Variants in PATJ observed in about 807,000 individuals in gnomAD.
The protein encoded by PATJ is PATJ crumbs cell polarity complex component.
A neutral mutation model predicts 224.9 loss-of-function variants in PATJ; 190 were observed. The observed-to-expected ratio is 0.84, with a 90% CI of 0.75 to 0.95. The LOEUF (loss-of-function observed/expected upper bound fraction) is 0.95, where lower values mean the gene tolerates loss of function less well. Ranked by LOEUF, PATJ falls within the 40% of genes least tolerant of loss-of-function variation. PATJ has a pLI of 0.00. For synonymous variants in PATJ, 769 were observed against 820.3 expected (o/e 0.94, Z 1.07); for missense variants, 2,121 against 2,270.3 (o/e 0.93, Z 1.34).
At chr1:61,892,737 C>A (rs910140410) in intron 22 of PATJ, among the ~76,000 whole-genome samples, 10 of 152,122 alleles carry the variant, frequency 6.6e-5, no homozygotes, top group African/African-American at 1.9e-4. Flanking sequence ...CCCCTACCCC[C>A]ACATGCATAG....
At position 61,973,221 on chromosome 1, in the gene PATJ, T is replaced by C. The variant is rs76583303; in HGVS notation, c.3671-16947T>C. On this transcript the variant is annotated intron_variant, in intron 27 of 43. Coordinates refer to ENST00000642238, the MANE Select transcript of PATJ (RefSeq NM_001350145.3). ...GAGACAGAATTAGTTTCTTCTCTCA[T>C]TGAGCTGACAAGAGAGTGGGGCTGC... Among the ~76,000 whole-genome samples, 1,319 of 152,100 alleles carry C rather than the reference T, an allele frequency of 8.7e-3. 33 individuals are homozygous for C. Among genetic ancestry groups the C allele is most frequent in the African/African-American group, 0.027 (1,138 of 41,388 alleles).
At chr1:62,005,786 A>G (rs1409061675) in intron 28 of PATJ, among the ~76,000 whole-genome samples, 4 of 152,206 alleles carry the variant, frequency 2.6e-5, no homozygotes, top group Non-Finnish European at 5.9e-5. Context: ...AGTAAATTAC[A>G]GAGAAGGACT....
chr1:61,901,841 GA>G, intron 24 of PATJ, among the ~76,000 whole-genome samples: 1 of 152,278 alleles, frequency 6.6e-6, no homozygotes, highest in South Asian at 2.1e-4. Context: ...TTTAGAGAAA[GA>G]AGTTGACCCT....
intron 27 of PATJ, among the ~76,000 whole-genome samples, chr1:61,984,164 ATTT>A (rs779439336): frequency 6.1e-5 from 8 of 132,108 alleles, no homozygotes; most frequent in Admixed American, 1.6e-4. Context: ...TATTATTATT[ATTT>A]TTTTTTTTTT....
intron 10 of PATJ, 133 bp from the exon 11 acceptor site, chr1:61,797,154 G>T: frequency 1.0e-6 from 1 of 999,930 alleles, no homozygotes; most frequent in Non-Finnish European, 1.5e-6. Context: ...GATTACAGGC[G>T]TGAGCCACCA....
chr1:62,111,911 C>T (rs1202097022), intron 34 of PATJ, among the ~76,000 whole-genome samples: 2 of 151,732 alleles, frequency 1.3e-5, no homozygotes, highest in South Asian at 2.1e-4. Flanking sequence ...CTGCCTGCCT[C>T]GGCCTCCCAA....
At chr1:61,994,614 G>T (rs762350659) in intron 28 of PATJ, among the ~76,000 whole-genome samples, 3 of 151,690 alleles carry the variant, frequency 2.0e-5, no homozygotes, top group African/African-American at 4.8e-5. Context: ...GAGTGCAATG[G>T]CGCCACCTTG....
At chr1:62,000,151 C>T (rs113118402) in intron 28 of PATJ, among the ~76,000 whole-genome samples, 18,067 of 151,176 alleles carry the variant, frequency 0.12, 1,294 homozygotes, top group Non-Finnish European at 0.16. Context: ...GGCCTCCCAA[C>T]GTGCTGGGAT....
intron 31 of PATJ, among the ~76,000 whole-genome samples, chr1:62,060,293 C>T (rs920080814): frequency 6.6e-6 from 1 of 152,144 alleles, no homozygotes; most frequent in African/African-American, 2.4e-5. Context: ...CCTGTGAGTG[C>T]TGTAGTAAGG....
intron 31 of PATJ, among the ~76,000 whole-genome samples, chr1:62,063,337 G>A (rs1655870721): frequency 6.6e-6 from 1 of 152,076 alleles, no homozygotes; most frequent in Non-Finnish European, 1.5e-5. Context: ...TTGTTTCTGG[G>A]TTCTCTGTTT....
intron 28 of PATJ, among the ~76,000 whole-genome samples, chr1:61,996,215 A>G (rs1645346493): frequency 1.3e-5 from 2 of 152,344 alleles, no homozygotes; most frequent in South Asian, 4.1e-4. Flanking sequence ...GCTACAGGTA[A>G]TCTCAGATCT....
At chr1:61,761,481 T>G (rs891912573) in intron 1 of PATJ, among the ~76,000 whole-genome samples, 7 of 152,132 alleles carry the variant, frequency 4.6e-5, no homozygotes, top group African/African-American at 1.7e-4. Context: ...TTGTTTAATA[T>G]AAGTTTTATG....
At chr1:61,907,223 G>A (rs1035056610) in intron 24 of PATJ, among the ~76,000 whole-genome samples, 1 of 152,106 alleles carries the variant, frequency 6.6e-6, no homozygotes, top group South Asian at 2.1e-4. Context: ...GTTCTTTATA[G>A]CAGCGTGAGA....
chr1:61,931,030 G>A (rs1675958850), intron 27 of PATJ, among the ~76,000 whole-genome samples: 1 of 151,976 alleles, frequency 6.6e-6, no homozygotes, highest in South Asian at 2.1e-4. Context: ...TTGTACAGAT[G>A]GAATCTTGCT....
intron 41 of PATJ, among the ~76,000 whole-genome samples, chr1:62,132,157 A>G (rs537831387): frequency 3.4e-4 from 52 of 152,262 alleles, no homozygotes; most frequent in Middle Eastern, 3.4e-3. Context: ...TGAATGAATT[A>G]TTAGTAGCAT....
At chr1:62,007,308 T>A (rs998046785) in intron 28 of PATJ, among the ~76,000 whole-genome samples, 21 of 152,226 alleles carry the variant, frequency 1.4e-4, no homozygotes, top group Non-Finnish European at 2.9e-4. Context: ...ACTAGAACTA[T>A]CTGGAAGACC....
intron 1 of PATJ, among the ~76,000 whole-genome samples, chr1:61,750,672 C>T (rs1007805561): frequency 6.6e-6 from 1 of 151,996 alleles, no homozygotes; most frequent in Non-Finnish European, 1.5e-5. Context: ...AACTCCCAAC[C>T]TCAGGTGTTC....
At chr1:62,034,398 G>A (rs1162044524) in intron 29 of PATJ, among the ~76,000 whole-genome samples, 4 of 146,022 alleles carry the variant, frequency 2.7e-5, no homozygotes, top group African/African-American at 5.1e-5. Context: ...AGCCGAGATC[G>A]CGCCACTGCA....
At chr1:61,978,219 T>TC (rs1644250682) in intron 27 of PATJ, among the ~76,000 whole-genome samples, 1 of 130,954 alleles carries the variant, frequency 7.6e-6, no homozygotes, top group Non-Finnish European at 1.7e-5. Context: ...CTTCCTTCCT[T>TC]CCTTCCTCCC....
Sources: allele counts gnomAD v4.1 joint callset (sites outside exome capture counted in the v4.1 genomes callset), GRCh38; gene constraint gnomAD v4.1.1; transcripts MANE v1.5; gene names NCBI Gene and HGNC (gene_info 2026-07-23, HGNC 2026-07-21).